The following PTK2B variants were observed in gnomAD, a reference collection of about 807,000 sequenced individuals.
The protein encoded by PTK2B is protein tyrosine kinase 2 beta.
A neutral mutation model predicts 142.9 loss-of-function variants in PTK2B; 71 were observed. The ratio of observed to expected loss-of-function variants is 0.50; its 90% CI spans 0.41 to 0.61. PTK2B has a LOEUF of 0.61. Ranked by LOEUF, PTK2B falls within the 20% of genes least tolerant of loss-of-function variation. The pLI is 0.00. For synonymous variants in PTK2B, 519 were observed against 503.4 expected (o/e 1.03, Z -0.42); for missense variants, 1,105 against 1,320.4 (o/e 0.84, Z 2.53).
At chr8:27,318,942 C>T (rs112652532) in intron 3 of PTK2B, among the ~76,000 whole-genome samples, 5,246 of 152,016 alleles carry the variant, frequency 0.035, 260 homozygotes, top group African/African-American at 0.1. Context: ...TGAGCCACTG[C>T]GCCTGGCCTT....
At chr8:27,337,262 A>G (rs1381187294) in intron 1 of PTK2B, among the ~76,000 whole-genome samples, 1 of 151,968 alleles carries the variant, frequency 6.6e-6, no homozygotes, top group Non-Finnish European at 1.5e-5. Flanking sequence ...CAGCCTCCCA[A>G]GTAGCTGGAA....
chr8:27,454,359 G>A (rs1311377620), intron 29 of PTK2B, 68 bp downstream of exon 29: 21 of 1,577,634 alleles, frequency 1.3e-5, no homozygotes, highest in South Asian at 3.4e-5. Flanking sequence ...AGGGGACTGC[G>A]CTTCCTGTTG....
At chr8:27,353,904 T>C (rs1805248882) in intron 1 of PTK2B, among the ~76,000 whole-genome samples, 1 of 152,092 alleles carries the variant, frequency 6.6e-6, no homozygotes, top group Non-Finnish European at 1.5e-5. Flanking sequence ...CCAGCACTCT[T>C]TTAGTTGCAG....
intron 21 of PTK2B, among the ~76,000 whole-genome samples, chr8:27,440,899 G>A (rs1481606552): frequency 6.6e-6 from 1 of 152,104 alleles, no homozygotes; most frequent in Non-Finnish European, 1.5e-5. Flanking sequence ...GGGGATAAGG[G>A]ACCTGAGGGC....
At chr8:27,452,839 G>A (rs1156758447) in intron 27 of PTK2B, 5 of 538,066 alleles carry the variant, frequency 9.3e-6, no homozygotes, top group African/African-American at 7.6e-5. Context: ...CAGGCAGGAA[G>A]CCCAAGCCAG....
chr8:27,384,848 C>T (rs757067084), intron 1 of PTK2B, among the ~76,000 whole-genome samples: 4 of 152,110 alleles, frequency 2.6e-5, no homozygotes, highest in East Asian at 1.9e-4. Flanking sequence ...AGGGACCAAG[C>T]GCTGTCTGAG....
intron 1 of PTK2B, among the ~76,000 whole-genome samples, chr8:27,345,462 T>C (rs1218112352): frequency 2.0e-5 from 3 of 152,212 alleles, no homozygotes; most frequent in African/African-American, 7.2e-5. Context: ...AGGACCTGCC[T>C]ATCCCTGGGG....
chr8:27,391,362 G>A (rs1015974294), intron 1 of PTK2B, among the ~76,000 whole-genome samples: 1 of 152,142 alleles, frequency 6.6e-6, no homozygotes, highest in African/African-American at 2.4e-5. Context: ...CTCCCAAAAT[G>A]CTAGGATTAC....
chr8:27,385,137 A>G (rs890716992), intron 1 of PTK2B, among the ~76,000 whole-genome samples: 1 of 152,096 alleles, frequency 6.6e-6, no homozygotes, highest in African/African-American at 2.4e-5. Flanking sequence ...GACAGGGGGT[A>G]ATGGTACCTA....
At chr8:27,369,086 A>G (rs1806186676) in intron 1 of PTK2B, among the ~76,000 whole-genome samples, 1 of 152,206 alleles carries the variant, frequency 6.6e-6, no homozygotes, top group South Asian at 2.1e-4. Context: ...CAGAATAAAC[A>G]GAGCTGTGAT....
intron 2 of PTK2B, among the ~76,000 whole-genome samples, chr8:27,402,029 A>G (rs1808416008): frequency 6.6e-6 from 1 of 152,228 alleles, no homozygotes; most frequent in Non-Finnish European, 1.5e-5. Context: ...TAAAGCACAA[A>G]CTATTATTAT....
At chr8:27,390,915 T>C (rs372189865) in intron 1 of PTK2B, among the ~76,000 whole-genome samples, 2 of 152,284 alleles carry the variant, frequency 1.3e-5, no homozygotes, top group East Asian at 3.9e-4. Flanking sequence ...GGCTGCCATG[T>C]TGTCACACTC....
At chr8:27,341,118 G>T (rs904575281) in intron 1 of PTK2B, among the ~76,000 whole-genome samples, 3 of 152,214 alleles carry the variant, frequency 2.0e-5, no homozygotes, top group African/African-American at 7.2e-5. Context: ...AGAAGGCGCT[G>T]TGGTGGAGGG....
chr8:27,430,189 C>T, intron 6 of PTK2B, 34 bp downstream of exon 6: 1 of 1,596,674 alleles, frequency 6.3e-7, no homozygotes, highest in Non-Finnish European at 8.6e-7. Flanking sequence ...CCCCTCCCTT[C>T]CTGTCCTTCC....
intron 11 of PTK2B, 103 bp from the exon 12 acceptor site, chr8:27,433,990 G>A (rs1252049869): frequency 2.1e-6 from 3 of 1,408,464 alleles, no homozygotes. Flanking sequence ...ATTAGGGGCT[G>A]GGATGGGAGG....
At chr8:27,456,103 C>T (rs920014665) in intron 30 of PTK2B, among the ~76,000 whole-genome samples, 20 of 152,244 alleles carry the variant, frequency 1.3e-4, no homozygotes, top group African/African-American at 4.6e-4. Context: ...CTTGGGATGC[C>T]AACCCATTCA....
chr8:27,373,379 G>A (rs1051665521), intron 1 of PTK2B, among the ~76,000 whole-genome samples: 3 of 152,320 alleles, frequency 2.0e-5, no homozygotes, highest in Middle Eastern at 3.4e-3. Context: ...TGCCTGGGGA[G>A]GGGACTTGGG....
upstream of PTK2B, among the ~76,000 whole-genome samples, chr8:27,324,213 A>G (rs1321237005): frequency 1.3e-5 from 2 of 152,164 alleles, no homozygotes; most frequent in Middle Eastern, 3.2e-3. Context: ...ATCCCTGGCC[A>G]AGTTCTCCCA....
At position 27,397,899 on chromosome 8, in the gene PTK2B, G is replaced by C. The variant is rs77136955; in HGVS notation, c.204+111G>C. On this transcript the variant is annotated intron_variant, in intron 2 of 30. Coordinates refer to ENST00000346049, the MANE Select transcript of PTK2B (RefSeq NM_173176.3). ...GCTCTCCCATATCCACCCCTGGGTG[G>C]AAGAGGTGAGGTGGCATCAGAGAGA... The C allele has an allele frequency of 1.3e-3, 1,637 of 1,291,492 alleles. 22 individuals are homozygous for C. The African/African-American group carries it at 0.021, about 17-fold the overall frequency. The allele number at this position is 1,291,492 out of a possible 1,614,324, so 80.0% of individuals were successfully genotyped here.
Sources: allele counts gnomAD v4.1 joint callset (sites outside exome capture counted in the v4.1 genomes callset), GRCh38; gene constraint gnomAD v4.1.1; transcripts MANE v1.5; gene names NCBI Gene and HGNC (gene_info 2026-07-23, HGNC 2026-07-21).